The following ATP2A1 variants were observed in gnomAD, a reference collection of about 807,000 sequenced individuals.
ATP2A1 encodes ATPase sarcoplasmic/endoplasmic reticulum Ca2+ transporting 1, also known as sarcoplasmic/endoplasmic reticulum calcium ATPase 1.
Under a neutral mutation model 109.5 loss-of-function variants are expected in ATP2A1, and 83 were observed. The ratio of observed to expected loss-of-function variants is 0.76; its 90% CI spans 0.63 to 0.91. The LOEUF (loss-of-function observed/expected upper bound fraction) is 0.91, where lower values mean the gene tolerates loss of function less well. Ranked by LOEUF, ATP2A1 falls within the 40% of genes least tolerant of loss-of-function variation. The pLI is 0.00. For synonymous variants in ATP2A1, 505 were observed against 537.6 expected (o/e 0.94, Z 0.84); for missense variants, 1,101 against 1,341.0 (o/e 0.82, Z 2.80).
Position 28,902,014 on chromosome 16 carries a change from G to T in ATP2A1, c.2252G>T (p.Arg751Leu). The change falls in exon 16 of 23, where the codon CGC (arginine) becomes CTC (leucine). Residue 751 changes from arginine (R) to leucine (L), a missense_variant. By Grantham distance (102) the Arg-to-Leu change is moderately radical (BLOSUM62 -2). Coordinates refer to ENST00000395503, the MANE Select transcript of ATP2A1 (RefSeq NM_004320.6). This position sits in a 1 kb window ranked among gnomAD's most constrained non-coding sequence, Gnocchi z 4.8. ...STIVAAVEEG[R>L]AIYNNMKQFI... ...ATCGTAGCTGCTGTGGAGGAGGGCC[G>T]CGCCATCTACAACAACATGAAGCAG... is the stretch of plus-strand genomic sequence containing the variant. 6.2e-7 allele frequency: 1 copy of T among 1,614,210 alleles called. No homozygotes were observed. Among genetic ancestry groups the T allele is most frequent in the Non-Finnish European group, 8.5e-7 (1 of 1,180,038 alleles).
intron 6 of ATP2A1, among the ~76,000 whole-genome samples, chr16:28,886,536 GTGTGGCTCCAAATA>G: frequency 6.6e-6 from 1 of 152,086 alleles, no homozygotes; most frequent in African/African-American, 2.4e-5. Context: ...ACAGTTAAAA[GTGTGGCTCCAAATA>G]TGTCCACTTA....
intron 9 of ATP2A1, among the ~76,000 whole-genome samples, chr16:28,890,345 A>G (rs980446682): frequency 6.6e-6 from 1 of 150,670 alleles, no homozygotes; most frequent in African/African-American, 2.4e-5. Context: ...GCACACTTGT[A>G]GTCCCAGCTA....
chr16:28,903,248 G>A lies in ATP2A1; in HGVS notation c.2863-75G>A. Reference sequence around the variant, plus strand: ...GGGGCGCCGATGTGGGAGGCTGGTGGGAGTGGGCTGGGCAGTGCTGGTCTC... The same window carrying A: ...GGGGCGCCGATGTGGGAGGCTGGTGAGAGTGGGCTGGGCAGTGCTGGTCTC... On this transcript the variant is annotated intron_variant, in intron 20 of 22. Transcript: ENST00000395503. The surrounding 1 kb of genome is among the most constrained non-coding windows in gnomAD (Gnocchi z 5.6). The A allele has an allele frequency of 1.3e-6, 2 of 1,571,272 alleles. No individual in the cohort carries two copies. Among genetic ancestry groups the A allele is most frequent in the East Asian group, 4.5e-5 (2 of 44,630 alleles).
chr16:28,885,367 T>TG (rs1487832984), intron 6 of ATP2A1, among the ~76,000 whole-genome samples: 5 of 151,906 alleles, frequency 3.3e-5, no homozygotes, highest in African/African-American at 1.2e-4. Context: ...TTTTTTGAGA[T>TG]GGAGTCTTGC....
At chr16:28,891,599 A>AAAAAAAG (rs1567485060) in intron 9 of ATP2A1, among the ~76,000 whole-genome samples, 1 of 143,136 alleles carries the variant, frequency 7.0e-6, no homozygotes, top group East Asian at 2.1e-4. Context: ...CAAAAAAAAA[A>AAAAAAAG]AAAAAAAAGT....
rs144282778 is a variant in ATP2A1 at position 28,888,294 on chromosome 16, A to G, written c.929-493A>G. ...GCAATCCACCCGCCTCGGCCTCCCAAAGTGCTGGGGTTACAGGTGTGAGCC... is the reference window on the plus strand; with the variant it reads ...GCAATCCACCCGCCTCGGCCTCCCAGAGTGCTGGGGTTACAGGTGTGAGCC... On this transcript the variant is annotated intron_variant, in intron 8 of 22. Transcript: ENST00000395503. Among the ~76,000 whole-genome samples, 115 of 152,220 alleles carry G rather than the reference A, an allele frequency of 7.6e-4. 1 individual carries two copies. The East Asian group carries it at 9.5e-3, about 13-fold the overall frequency.
At position 28,902,806 on chromosome 16, in the gene ATP2A1, A is replaced by G. The variant is rs1473968252; in HGVS notation, c.2639A>G (p.Asn880Ser). Residue 880 changes from asparagine to serine, a missense_variant, in exon 19 of 23, where the codon AAC (asparagine) becomes AGC (serine). By Grantham distance (46) the Asn-to-Ser change is conservative (BLOSUM62 1). Coordinates refer to ENST00000395503, the MANE Select transcript of ATP2A1 (RefSeq NM_004320.6). This position sits in a 1 kb window ranked among gnomAD's most constrained non-coding sequence, Gnocchi z 4.8. ...LTHFMQCTEDNTHFEGIDCEV... is the reference protein window; with the variant it reads ...LTHFMQCTEDSTHFEGIDCEV... ...CACTTCATGCAGTGCACCGAGGACA[A>G]CACCCACTTTGAGGGCATAGACTGT... 2 of 1,613,756 alleles carry G rather than the reference A, an allele frequency of 1.2e-6. No homozygotes were observed. The highest frequency in any genetic ancestry group is 1.1e-5 in the South Asian group (1 of 91,052).
At position 28,900,469 on chromosome 16, in the gene ATP2A1, CCCTCCCCACCACTT is replaced by C. The variant is rs1964039777; in HGVS notation, c.1765-108_1765-95del. 3 of 902,688 alleles carry C rather than the reference CCCTCCCCACCACTT, an allele frequency of 3.3e-6. No homozygotes were observed. In the South Asian group the frequency reaches 5.4e-5, roughly 16 times the overall value. 55.9% of individuals were successfully genotyped at this position (902,688 alleles called of 1,614,324 possible). A position where few individuals can be genotyped will look rare whatever the true frequency, so the allele number is the denominator to read the frequency against. On this transcript the variant is annotated intron_variant, in intron 14 of 22. Coordinates refer to ENST00000395503, the MANE Select transcript of ATP2A1 (RefSeq NM_004320.6). ...CAAGCCCAGGGTTCAGGCTTCCCAC[CCCTCCCCACCACTT>C]CCTGACCTTTCACCCCATCCCCACC...
chr16:28,899,997 G>A (rs1432468589), intron 14 of ATP2A1, among the ~76,000 whole-genome samples: 3 of 139,644 alleles, frequency 2.1e-5, no homozygotes, highest in Non-Finnish European at 3.1e-5. Flanking sequence ...ACAAAAAAAA[G>A]GAAAGACACG....
At chr16:28,896,714 A>G (rs1456563643) in intron 12 of ATP2A1, among the ~76,000 whole-genome samples, 1 of 107,212 alleles carries the variant, frequency 9.3e-6, no homozygotes, top group African/African-American at 3.6e-5. Context: ...CCTGGCCTTC[A>G]TTTTTTTTTT....
intron 4 of ATP2A1, 101 bp from the exon 5 acceptor site, chr16:28,882,350 C>T: frequency 1.3e-6 from 2 of 1,552,482 alleles, no homozygotes; most frequent in Non-Finnish European, 8.9e-7. Context: ...ACACACACCC[C>T]TGCCTGTGTG....
intron 12 of ATP2A1, among the ~76,000 whole-genome samples, chr16:28,897,536 G>T (rs2152211204): frequency 6.6e-6 from 1 of 152,256 alleles, no homozygotes; most frequent in Non-Finnish European, 1.5e-5. Context: ...AACAAACAAT[G>T]AAAGTTTTTT....
At chr16:28,889,713 C>G (rs1341537729) in intron 9 of ATP2A1, among the ~76,000 whole-genome samples, 3 of 152,228 alleles carry the variant, frequency 2.0e-5, no homozygotes, top group Non-Finnish European at 4.4e-5. Flanking sequence ...AGAATGGTCA[C>G]TCATGACAGG....
In ATP2A1 at chr16:28,881,009, G is replaced by A; in HGVS notation, c.314G>A (p.Gly105Glu). ...ATCCTCATTGCCAATGCCATCGTGG[G>A]GGTTTGGCAGGTTAGCGTTGACCCT... The part of the protein sequence containing the change: ...LLILIANAIV[G>E]VWQERNAENA... Residue 105 changes from glycine (G) to glutamate (E), a missense_variant, in exon 4 of 23, where the codon GGG (glycine) becomes GAG (glutamate). By Grantham distance (98) the Gly-to-Glu change is moderately conservative. Transcript: ENST00000395503. 6.2e-7 allele frequency: 1 copy of A among 1,614,108 alleles called. No individual in the cohort carries two copies. The highest frequency in any genetic ancestry group is 1.7e-5 in the Admixed American group (1 of 60,016).
rs1159716345 is a variant in ATP2A1 at position 28,898,401 on chromosome 16, A to G, written c.1714A>G (p.Lys572Glu). 8.1e-6 allele frequency: 13 copies of G among 1,614,048 alleles called. No individual in the cohort carries two copies. The highest frequency in any genetic ancestry group is 1.1e-5 in the Non-Finnish European group (13 of 1,180,044). Reference sequence around the variant, plus strand: ...CCTGGCCACCCGGGACACCCCCCCGAAGCGAGAGGAAATGGTCCTGGATGA... The same window carrying G: ...CCTGGCCACCCGGGACACCCCCCCGGAGCGAGAGGAAATGGTCCTGGATGA... ...LALATRDTPP[K>E]REEMVLDDSA... is the part of the protein sequence containing the mutation. Residue 572 changes from lysine (K) to glutamate (E), a missense_variant, in exon 14 of 23, where the codon AAG becomes GAG. Coordinates refer to ENST00000395503, the MANE Select transcript of ATP2A1 (RefSeq NM_004320.6). This position sits in a 1 kb window ranked among gnomAD's most constrained non-coding sequence, Gnocchi z 4.0.
Position 28,894,869 on chromosome 16 carries a change from C to G in ATP2A1, c.1335C>G (p.Leu445=). The G allele has an allele frequency of 6.2e-7, 1 of 1,612,282 alleles. No homozygotes were observed. Among genetic ancestry groups the G allele is most frequent in the Non-Finnish European group, 8.5e-7 (1 of 1,180,012 alleles). The change falls in exon 12 of 23, where the codon CTC becomes CTG. Residue 445 remains leucine (L), a synonymous_variant. Transcript: ENST00000395503. ...TCGGCGAGGCCACCGAGACAGCACTCACCACCCTGGTGGAGAAGATGAATG... is the reference window on the plus strand; with the variant it reads ...TCGGCGAGGCCACCGAGACAGCACTGACCACCCTGGTGGAGAAGATGAATG... ...EKVGEATETA[L]TTLVEKMNVF...
chr16:28,904,297 G>A lies in ATP2A1; in HGVS notation c.*155G>A. 2 of 1,610,146 alleles carry A rather than the reference G, an allele frequency of 1.2e-6. No individual in the cohort carries two copies. Among genetic ancestry groups the A allele is most frequent in the Admixed American group, 3.3e-5 (2 of 59,742 alleles). ...CCCCCGTCCTGTCCCCCACACCCGT[G>A]TCATGTGTCTGTTTATAAACATGTC... On this transcript the variant is annotated 3_prime_UTR_variant, in exon 23 of 23. Transcript: ENST00000395503.
chr16:28,880,566 C>T lies in ATP2A1; in HGVS notation c.220-349C>T, dbSNP rs1445840562. ...GCCTGCGAAGACCACAGGGTTTTTC[C>T]TCTCGGGTTTTGGCTCCCGTGGGAT... On this transcript the variant is annotated intron_variant, in intron 3 of 22. Transcript: ENST00000395503. The surrounding 1 kb of genome is among the most constrained non-coding windows in gnomAD (Gnocchi z 4.2). 6.6e-6 allele frequency among the ~76,000 whole-genome samples: 1 copy of T among 152,254 alleles called. No individual in the cohort carries two copies. The highest frequency in any genetic ancestry group is 6.5e-5 in the Admixed American group (1 of 15,286).
At chr16:28,900,470 C>CCA in intron 14 of ATP2A1, 111 bp from the exon 15 acceptor site, 1 of 913,918 alleles carries the variant, frequency 1.1e-6, no homozygotes, top group Non-Finnish European at 1.6e-6. Flanking sequence ...GCTTCCCACC[C>CCA]CTCCCCACCA....
Sources: allele counts gnomAD v4.1 joint callset (sites outside exome capture counted in the v4.1 genomes callset), GRCh38; gene constraint gnomAD v4.1.1; non-coding constraint Gnocchi (gnomAD v3.1); transcripts MANE v1.5; gene names NCBI Gene and HGNC (gene_info 2026-07-23, HGNC 2026-07-21).